The following ENKUR variants were observed in gnomAD, a reference collection of about 807,000 sequenced individuals.
ENKUR encodes the protein enkurin.
In ENKUR, 19 loss-of-function variants were observed where a neutral mutation model predicts 27.6. That is an observed-to-expected ratio of 0.69 (90% CI 0.48 to 1.01). ENKUR has a LOEUF of 1.01. ENKUR is among the 50% of genes least tolerant of loss of function. The pLI, the probability that ENKUR is intolerant of heterozygous loss-of-function variation, is 0.00. For synonymous variants in ENKUR, 117 were observed against 96.9 expected (o/e 1.21, Z -1.22); for missense variants, 312 against 310.5 (o/e 1.00, Z -0.04).
In ENKUR at chr10:24,984,048, G is replaced by C; in HGVS notation, c.*322C>G. On this transcript the variant is annotated 3_prime_UTR_variant, in exon 6 of 6. Coordinates refer to ENST00000331161, the MANE Select transcript of ENKUR (RefSeq NM_145010.4). Reference sequence around the variant, plus strand: ...AGTTGTGGAATAAAATAAGAGTATCGAGGTTGGTATGCTAGAAAGGAGGCT... The same window carrying C: ...AGTTGTGGAATAAAATAAGAGTATCCAGGTTGGTATGCTAGAAAGGAGGCT... 3.6e-6 allele frequency: 1 copy of C among 277,716 alleles called. No individual in the cohort carries two copies. The highest frequency in any genetic ancestry group is 6.6e-6 in the Non-Finnish European group (1 of 150,486). The allele number at this position is 277,716 out of a possible 1,614,324, so 17.2% of individuals were successfully genotyped here.
At chr10:25,053,246 A>G (rs368203317) in intron 2 of ENKUR, among the ~76,000 whole-genome samples, 9 of 152,338 alleles carry the variant, frequency 5.9e-5, no homozygotes, top group African/African-American at 2.2e-4. Flanking sequence ...GAATGGTAAA[A>G]TCAAGCGAAT....
intron 2 of ENKUR, among the ~76,000 whole-genome samples, chr10:25,037,642 A>T (rs1851022537): frequency 6.6e-6 from 1 of 152,058 alleles, no homozygotes; most frequent in East Asian, 1.9e-4. Context: ...TCTGCCCCTA[A>T]CTAACTTCTA....
Position 25,039,704 on chromosome 10 carries a change from C to T in ENKUR, c.37+21408G>A, listed in dbSNP as rs909920347. ...GTATTATTTCAGTCATCTACTGCTG[C>T]ATGACTATCACAAAACAGTGGCTTA... is the stretch of plus-strand genomic sequence containing the variant. On this transcript the variant is annotated intron_variant, in intron 2 of 5. Coordinates refer to the ENKUR transcript ENST00000615958. Among the ~76,000 whole-genome samples the T allele has an allele frequency of 2.6e-5, 4 of 152,308 alleles. No homozygotes were observed. The South Asian group carries it at 8.3e-4, about 32-fold the overall frequency.
intron 1 of ENKUR, 131 bp downstream of exon 1, chr10:25,015,729 C>A (rs900507311): frequency 6.3e-6 from 5 of 791,966 alleles, no homozygotes; most frequent in Non-Finnish European, 8.9e-6. Context: ...AACAAGTTAT[C>A]CTCCAAGGCT....
At position 25,015,950 on chromosome 10, in the gene ENKUR, C is replaced by T; in HGVS notation, c.-14G>A. ...CGTTGGATCCATGGCCACCAAATGACTCCTTAAAAGCTACTCTCCACAACT... is the reference window on the plus strand; with the variant it reads ...CGTTGGATCCATGGCCACCAAATGATTCCTTAAAAGCTACTCTCCACAACT... On this transcript the variant is annotated 5_prime_UTR_variant, in exon 1 of 6. Coordinates refer to ENST00000331161, the MANE Select transcript of ENKUR (RefSeq NM_145010.4). 1 of 1,603,900 alleles carries T rather than the reference C, an allele frequency of 6.2e-7. No individual in the cohort carries two copies.
At chr10:25,040,790 A>G (rs908167343) in intron 2 of ENKUR, among the ~76,000 whole-genome samples, 4 of 152,220 alleles carry the variant, frequency 2.6e-5, no homozygotes, top group African/African-American at 9.6e-5. Context: ...TTCTGAACCT[A>G]AAAGTAGTTT....
chr10:24,997,804 G>T (rs947886367), intron 2 of ENKUR, among the ~76,000 whole-genome samples: 2 of 136,888 alleles, frequency 1.5e-5, no homozygotes, highest in Non-Finnish European at 1.5e-5. Context: ...TGACACAAAG[G>T]ATTTATATAT....
intron 2 of ENKUR, among the ~76,000 whole-genome samples, chr10:25,055,437 C>A (rs1851243490): frequency 6.7e-6 from 1 of 150,158 alleles, no homozygotes; most frequent in African/African-American, 2.4e-5. Context: ...ACCCAATGCT[C>A]TGTGAAAGGC....
At chr10:25,058,732 A>G (rs1851290485) in intron 2 of ENKUR, among the ~76,000 whole-genome samples, 1 of 151,996 alleles carries the variant, frequency 6.6e-6, no homozygotes, top group Non-Finnish European at 1.5e-5. Flanking sequence ...GGAGTTCGAG[A>G]CCAGCCTGGC....
chr10:25,049,590 C>G (rs900654296), intron 2 of ENKUR, among the ~76,000 whole-genome samples: 1 of 152,022 alleles, frequency 6.6e-6, no homozygotes, highest in Non-Finnish European at 1.5e-5. Context: ...GGGTTCGAGA[C>G]CAGCCTGGCC....
chr10:25,027,288 G>A lies in ENKUR; in HGVS notation c.38-31419C>T, dbSNP rs1174063583. 4.8e-5 allele frequency among the ~76,000 whole-genome samples: 7 copies of A among 146,930 alleles called. No individual in the cohort carries two copies. The East Asian group carries it at 6.4e-4, about 13-fold the overall frequency. ...GGAGAATGGCATGAACCCGGGAGGC[G>A]GAGTTTGCAGTGAGCCGAAATCGCG... On this transcript the variant is annotated intron_variant, in intron 2 of 5. Coordinates refer to the ENKUR transcript ENST00000615958.
chr10:24,995,846 G>T lies in ENKUR; in HGVS notation c.247C>A (p.Pro83Thr). The part of the protein sequence containing the change: ...PPKKNFDRNV[P>T]KKPAVPLKTD... ...TTCAATGGCACAGCAGGCTTTTTGG[G>T]CACGTTCCGATCAAAGTTTTTTTCT... The change falls in exon 3 of 6, where the codon CCC (proline) becomes ACC (threonine). Residue 83 changes from proline (P) to threonine (T), a missense_variant. Transcript: ENST00000331161. 1.2e-6 allele frequency: 2 copies of T among 1,608,786 alleles called. No individual in the cohort carries two copies. Among genetic ancestry groups the T allele is most frequent in the Non-Finnish European group, 8.5e-7 (1 of 1,178,740 alleles).
intron 4 of ENKUR, among the ~76,000 whole-genome samples, chr10:24,989,131 TA>T (rs1167901304): frequency 1.3e-5 from 2 of 152,094 alleles, no homozygotes; most frequent in East Asian, 1.9e-4. Flanking sequence ...CATTTAGGTG[TA>T]AAAACCTGGC....
intron 2 of ENKUR, among the ~76,000 whole-genome samples, chr10:25,039,491 A>G (rs1183369468): frequency 4.6e-5 from 7 of 152,162 alleles, no homozygotes; most frequent in Non-Finnish European, 8.8e-5. Context: ...GAGCAGAGAG[A>G]ATCACTTGAG....
At chr10:25,030,651 A>G (rs1177225860) in intron 2 of ENKUR, among the ~76,000 whole-genome samples, 1 of 152,098 alleles carries the variant, frequency 6.6e-6, no homozygotes, top group East Asian at 1.9e-4. Flanking sequence ...GAGCACTTTG[A>G]TGGGCTTTCT....
chr10:24,998,593 G>T (rs1323441409), intron 2 of ENKUR, among the ~76,000 whole-genome samples: 3 of 151,644 alleles, frequency 2.0e-5, no homozygotes, highest in African/African-American at 4.8e-5. Context: ...TTGTTGCCCA[G>T]GTGCTCTCTT....
At chr10:25,017,037 CG>C (rs1445165248), upstream of ENKUR, among the ~76,000 whole-genome samples, 1 of 152,174 alleles carries the variant, frequency 6.6e-6, no homozygotes, top group Middle Eastern at 3.2e-3. Flanking sequence ...CCCCTGCTCC[CG>C]GGACCGCCCC....
chr10:25,008,023 GAT>G (rs1289919596), intron 1 of ENKUR, among the ~76,000 whole-genome samples: 1 of 148,814 alleles, frequency 6.7e-6, no homozygotes, highest in Non-Finnish European at 1.5e-5. Context: ...AAATATATGA[GAT>G]ATATAAGCAT....
chr10:25,024,616 T>G (rs766405163), intron 2 of ENKUR: 1 of 1,614,228 alleles, frequency 6.2e-7, no homozygotes. Context: ...TGGAACAATC[T>G]TAAGTTCGGC....
Sources: gnomAD v4.1 joint callset for allele counts (sites outside exome capture counted in the v4.1 genomes callset) on GRCh38, gnomAD v4.1.1 for gene constraint, MANE v1.5 for transcripts, NCBI Gene and HGNC (gene_info 2026-07-23, HGNC 2026-07-21) for gene names.